Variants in MACROD2 observed in about 807,000 individuals in gnomAD.
MACROD2 encodes the protein mono-ADP ribosylhydrolase 2, also known as ADP-ribose glycohydrolase MACROD2.
In MACROD2, 36 loss-of-function variants were observed where a neutral mutation model predicts 70.4. That is an observed-to-expected ratio of 0.51 (90% CI 0.39 to 0.68). The LOEUF (loss-of-function observed/expected upper bound fraction) is 0.68, where lower values mean the gene tolerates loss of function less well. Ranked by LOEUF, MACROD2 falls within the 30% of genes least tolerant of loss-of-function variation. The probability of loss-of-function intolerance (pLI) is 0.00; values close to 1 mark genes in which losing one functional copy is unlikely to be tolerated. For missense variants in MACROD2, 496 were observed against 538.4 expected, an observed-to-expected ratio of 0.92 and a Z score of 0.78; for synonymous variants, 172 against 178.8, an observed-to-expected ratio of 0.96 and a Z score of 0.30.
chr20:15,393,592 A>G (rs1015641025), intron 6 of MACROD2, among the ~76,000 whole-genome samples: 2 of 151,962 alleles, frequency 1.3e-5, no homozygotes, highest in African/African-American at 2.4e-5. Context: ...CTTTGGCCCT[A>G]TCTCTGGATT....
At chr20:15,033,989 T>C (rs148564498) in intron 5 of MACROD2, among the ~76,000 whole-genome samples, 4 of 152,110 alleles carry the variant, frequency 2.6e-5, no homozygotes, top group Non-Finnish European at 5.9e-5. Context: ...TTTGTGAAGA[T>C]TAAATAAGAC....
At chr20:15,583,087 CGAT>C (rs1207093915) in intron 8 of MACROD2, among the ~76,000 whole-genome samples, 1 of 152,038 alleles carries the variant, frequency 6.6e-6, no homozygotes, top group East Asian at 1.9e-4. Context: ...CGGTTTGTGT[CGAT>C]GCTATTCAAA....
At chr20:14,660,702 C>T (rs947933029) in intron 4 of MACROD2, among the ~76,000 whole-genome samples, 2 of 152,068 alleles carry the variant, frequency 1.3e-5, no homozygotes, top group Non-Finnish European at 2.9e-5. Context: ...CCCTCGATTT[C>T]TCCCTCCTCT....
At chr20:14,862,005 TTA>T (rs369595827) in intron 5 of MACROD2, among the ~76,000 whole-genome samples, 927 of 11,670 alleles carry the variant, frequency 0.079, 67 homozygotes, top group Non-Finnish European at 0.11. Flanking sequence ...ATATATATAT[TTA>T]TATATATATA....
intron 8 of MACROD2, among the ~76,000 whole-genome samples, chr20:15,542,695 G>C (rs1568880543): frequency 6.6e-6 from 1 of 152,182 alleles, no homozygotes; most frequent in Non-Finnish European, 1.5e-5. Context: ...TTCTGAAGAA[G>C]GATTGGTTCT....
At chr20:14,070,649 G>A (rs2053825587) in intron 2 of MACROD2, among the ~76,000 whole-genome samples, 1 of 152,068 alleles carries the variant, frequency 6.6e-6, no homozygotes, top group African/African-American at 2.4e-5. Flanking sequence ...CCACATGGCT[G>A]GATTAAGACT....
chr20:14,791,266 T>C (rs892176836), intron 5 of MACROD2, among the ~76,000 whole-genome samples: 2 of 152,164 alleles, frequency 1.3e-5, no homozygotes, highest in African/African-American at 2.4e-5. Flanking sequence ...CAGTATGTAC[T>C]GCAAGACTGA....
rs543467969 is a variant in MACROD2, at chr20:15,428,235, C to G, written c.541-3170C>G. ...GAAAAAAGCAGTGCTCAGAGTAGTT[C>G]AGTAAACTGACCCACGTTATGAATT... On this transcript the variant is annotated intron_variant, in intron 6 of 17. Transcript: ENST00000684519. 2.0e-5 allele frequency among the ~76,000 whole-genome samples: 3 copies of G among 152,298 alleles called. No homozygotes were observed. The East Asian group carries it at 5.8e-4, about 29-fold the overall frequency.
chr20:15,577,443 C>A (rs1057065626), intron 8 of MACROD2, among the ~76,000 whole-genome samples: 1 of 152,058 alleles, frequency 6.6e-6, no homozygotes, highest in Non-Finnish European at 1.5e-5. Flanking sequence ...ACTATAATGC[C>A]ATCATCACAG....
rs374134743 is a variant in MACROD2, at chr20:15,162,050, A to G, written c.419-67890A>G. On this transcript the variant is annotated intron_variant, in intron 5 of 17. Transcript: ENST00000684519. ...AAAAACCATCTTAGAAATAAAGAAGATAAAATACAGATTACTATTCTAACA... is the reference window on the plus strand; with the variant it reads ...AAAAACCATCTTAGAAATAAAGAAGGTAAAATACAGATTACTATTCTAACA... Among the ~76,000 whole-genome samples the G allele has an allele frequency of 8.1e-4, 124 of 152,226 alleles. 1 individual carries two copies. Among genetic ancestry groups the G allele is most frequent in the African/African-American group, 2.6e-3 (108 of 41,570 alleles).
intron 7 of MACROD2, among the ~76,000 whole-genome samples, chr20:15,435,147 C>T (rs938222216): frequency 6.6e-6 from 1 of 151,986 alleles, no homozygotes; most frequent in South Asian, 2.1e-4. Context: ...AACCAAAAAC[C>T]ACATGTACCC....
At chr20:14,358,283 G>C (rs1429035177) in intron 3 of MACROD2, among the ~76,000 whole-genome samples, 1 of 152,148 alleles carries the variant, frequency 6.6e-6, no homozygotes, top group African/African-American at 2.4e-5. Context: ...AACCTCTCAA[G>C]TAGATTAACT....
At position 15,804,436 on chromosome 20, in the gene MACROD2, A is replaced by G. The variant is rs140850501; in HGVS notation, c.646-58309A>G. On this transcript the variant is annotated intron_variant, in intron 8 of 17. Coordinates refer to ENST00000684519, the MANE Select transcript of MACROD2 (RefSeq NM_001351661.2). ...ATAAATCAATGACCTTTCTAATTAC[A>G]AATATTCACTGATTCTGTAAACAAT... Among the ~76,000 whole-genome samples the G allele has an allele frequency of 6.5e-3, 990 of 152,378 alleles. 6 individuals are homozygous for G. Among genetic ancestry groups the G allele is most frequent in the African/African-American group, 0.022 (924 of 41,600 alleles).
chr20:14,510,200 ATT>A (rs969150999), intron 4 of MACROD2, among the ~76,000 whole-genome samples: 4 of 152,168 alleles, frequency 2.6e-5, no homozygotes, highest in African/African-American at 7.2e-5. Context: ...CAAGGTTTAC[ATT>A]TGATCAGGAT....
intron 4 of MACROD2, among the ~76,000 whole-genome samples, chr20:14,618,273 C>A (rs1014384711): frequency 1.3e-5 from 2 of 152,084 alleles, no homozygotes; most frequent in African/African-American, 2.4e-5. Context: ...TTTTTTCCAC[C>A]ACCTAGCTAT....
Position 14,084,061 on chromosome 20 carries a change from C to CAAAAAAAAAA in MACROD2, c.164-1551_164-1550insAAAAAAAAAA, listed in dbSNP as rs1211049702. ...TGGGCGTCAGAGCGAGACTCCGTCT[C>CAAAAAAAAAA]AAAAAAAAACAAAAAACAAACAAAA... is the stretch of plus-strand genomic sequence containing the variant. On this transcript the variant is annotated intron_variant, in intron 2 of 17. Coordinates refer to ENST00000684519, the MANE Select transcript of MACROD2 (RefSeq NM_001351661.2). Among the ~76,000 whole-genome samples the CAAAAAAAAAA allele has an allele frequency of 6.7e-5, 4 of 59,854 alleles. 2 individuals are homozygous for CAAAAAAAAAA. In the East Asian group the frequency reaches 2.5e-3, roughly 37 times the overall value. 39.3% of individuals were successfully genotyped at this position (59,854 alleles called of 152,430 possible).
At chr20:14,890,819 G>GT (rs1472859850) in intron 5 of MACROD2, among the ~76,000 whole-genome samples, 1 of 151,080 alleles carries the variant, frequency 6.6e-6, no homozygotes, top group Non-Finnish European at 1.5e-5. Flanking sequence ...CTGTTGAAAG[G>GT]TAAAAAGCTG....
At chr20:15,238,509 G>A (rs999360552) in intron 6 of MACROD2, among the ~76,000 whole-genome samples, 2 of 151,956 alleles carry the variant, frequency 1.3e-5, no homozygotes, top group Admixed American at 6.6e-5. Flanking sequence ...AGCAATTTAA[G>A]CAGGAGTCTA....
At chr20:14,098,196 T>A (rs1394286114) in intron 3 of MACROD2, among the ~76,000 whole-genome samples, 2 of 152,194 alleles carry the variant, frequency 1.3e-5, no homozygotes, top group Non-Finnish European at 1.5e-5. Flanking sequence ...TACAAGGTAA[T>A]TATGGGTGTT....
Sources: gnomAD v4.1 joint callset for allele counts (sites outside exome capture counted in the v4.1 genomes callset) on GRCh38, gnomAD v4.1.1 for gene constraint, MANE v1.5 for transcripts, NCBI Gene and HGNC (gene_info 2026-07-23, HGNC 2026-07-21) for gene names.